Variants in PDXDC1 observed in about 807,000 individuals in gnomAD.
PDXDC1 encodes the protein pyridoxal dependent decarboxylase domain containing 1, also known as pyridoxal-dependent decarboxylase domain-containing protein 1.
A neutral mutation model predicts 100.1 loss-of-function variants in PDXDC1; 42 were observed. The ratio of observed to expected loss-of-function variants is 0.42; its 90% CI spans 0.33 to 0.54. PDXDC1 has a LOEUF of 0.54. Ranked by LOEUF, PDXDC1 falls within the 20% of genes least tolerant of loss-of-function variation. The probability of loss-of-function intolerance (pLI) is 0.10; values close to 1 mark genes in which losing one functional copy is unlikely to be tolerated. For missense variants in PDXDC1, 636 were observed against 979.2 expected (o/e 0.65, Z 4.68); for synonymous variants, 260 against 371.7 (o/e 0.70, Z 3.46).
downstream of PDXDC1, chr16:15,040,143 A>T (rs540167833): frequency 3.9e-6 from 3 of 764,092 alleles, no homozygotes; most frequent in East Asian, 7.9e-5. Context: ...CATTTCTACC[A>T]CCACTCCTAA....
At chr16:15,128,974 T>G (rs1216120458) in intron 16 of PDXDC1, among the ~76,000 whole-genome samples, 2 of 149,868 alleles carry the variant, frequency 1.3e-5, no homozygotes, top group African/African-American at 4.9e-5. Flanking sequence ...CCGGCCTAAT[T>G]TTTTTGTATT....
chr16:15,069,086 T>C (rs1359385812), intron 16 of PDXDC1, among the ~76,000 whole-genome samples: 1 of 152,142 alleles, frequency 6.6e-6, no homozygotes, highest in Admixed American at 6.5e-5. Flanking sequence ...TTTAGAAGCA[T>C]GTAGGATGTA....
Position 15,044,292 on chromosome 16 carries a change from T to C in PDXDC1, c.1399+14236T>C, listed in dbSNP as rs1205021850. ...TAACCCAAGCAAATATGGGTACATA[T>C]TTATGTCCAATTTGGGGGAAAGAAA... On this transcript the variant is annotated intron_variant, in intron 16 of 16. Coordinates refer to the PDXDC1 transcript ENST00000535621. The C allele has an allele frequency of 5.0e-6, 7 of 1,395,694 alleles. No individual in the cohort carries two copies. The African/African-American group carries it at 7.1e-5, about 14-fold the overall frequency. The allele number at this position is 1,395,694 out of a possible 1,614,324, so 86.5% of individuals were successfully genotyped here.
chr16:15,085,211 G>T (rs1309304730), intron 16 of PDXDC1, among the ~76,000 whole-genome samples: 1 of 152,170 alleles, frequency 6.6e-6, no homozygotes, highest in African/African-American at 2.4e-5. Flanking sequence ...TATAAATAAT[G>T]CATTCAGGAC....
intron 16 of PDXDC1, chr16:15,104,419 ATTATCATCC>A: frequency 2.7e-5 from 39 of 1,450,626 alleles, no homozygotes; most frequent in Middle Eastern, 2.6e-4. Context: ...GTGTCTTGAG[ATTATCATCC>A]GCTGAGGGTG....
intron 16 of PDXDC1, among the ~76,000 whole-genome samples, chr16:15,053,353 C>T (rs1326447791): frequency 6.6e-6 from 1 of 152,180 alleles, no homozygotes; most frequent in Non-Finnish European, 1.5e-5. Context: ...CACTGTATGA[C>T]TTATTGTTAT....
rs186799945 is a variant in PDXDC1 at position 15,127,142 on chromosome 16, G to A, written c.1400-11737G>A. On this transcript the variant is annotated intron_variant, in intron 16 of 16. Coordinates refer to the PDXDC1 transcript ENST00000535621. ...CTCGGCCTCTTCACTTGCTATAGAC[G>A]TACTGAGATTTTCTTCTGGAGTGCA... The A allele has an allele frequency of 1.4e-3, 532 of 371,424 alleles. 2 individuals are homozygous for A. Among genetic ancestry groups the A allele is most frequent in the African/African-American group, 0.011 (515 of 47,464 alleles). The allele number at this position is 371,424 out of a possible 1,614,324, so 23.0% of individuals were successfully genotyped here.
chr16:15,015,823 C>T (rs561935767), intron 8 of PDXDC1: 204 of 525,294 alleles, frequency 3.9e-4, no homozygotes, highest in African/African-American at 3.8e-3. Flanking sequence ...TGACAAACCA[C>T]AATCTTGGTG....
At chr16:15,031,947 G>T in intron 17 of PDXDC1, 41 bp downstream of exon 17, 1 of 1,520,070 alleles carries the variant, frequency 6.6e-7, no homozygotes, top group African/African-American at 1.4e-5. Flanking sequence ...AGACTTTTCT[G>T]TATAAAGAAC....
At chr16:15,088,174 T>A (rs1392039260) in intron 16 of PDXDC1, among the ~76,000 whole-genome samples, 1 of 151,866 alleles carries the variant, frequency 6.6e-6, no homozygotes, top group Non-Finnish European at 1.5e-5. Flanking sequence ...TACTGAACTA[T>A]TATTATTTCT....
chr16:15,078,024 A>G (rs948855172), intron 16 of PDXDC1, among the ~76,000 whole-genome samples: 3 of 152,220 alleles, frequency 2.0e-5, no homozygotes, highest in Non-Finnish European at 4.4e-5. Flanking sequence ...ATGATGCAAT[A>G]TTTATTTTGG....
At chr16:15,100,559 A>G (rs1360345296) in intron 16 of PDXDC1, among the ~76,000 whole-genome samples, 1 of 152,194 alleles carries the variant, frequency 6.6e-6, no homozygotes, top group Non-Finnish European at 1.5e-5. Flanking sequence ...GTTCAGCAGC[A>G]TCCCTGGCCT....
intron 16 of PDXDC1, among the ~76,000 whole-genome samples, chr16:15,054,467 C>T (rs1484093392): frequency 6.6e-6 from 1 of 152,188 alleles, no homozygotes; most frequent in Non-Finnish European, 1.5e-5. Context: ...ATTCTTCAGG[C>T]GGCTGAAATT....
chr16:15,052,903 C>T (rs773465129), intron 16 of PDXDC1, among the ~76,000 whole-genome samples: 1 of 152,092 alleles, frequency 6.6e-6, no homozygotes, highest in Non-Finnish European at 1.5e-5. Flanking sequence ...TCTGTGGAAC[C>T]GTATTACCCA....
At chr16:15,064,519 G>T (rs934623871) in intron 16 of PDXDC1, among the ~76,000 whole-genome samples, 1 of 152,126 alleles carries the variant, frequency 6.6e-6, no homozygotes, top group Non-Finnish European at 1.5e-5. Flanking sequence ...ATGGTATGTG[G>T]TCTCTAGAGG....
chr16:15,006,990 A>G (rs1271887465), intron 6 of PDXDC1, among the ~76,000 whole-genome samples: 1 of 152,278 alleles, frequency 6.6e-6, no homozygotes, highest in East Asian at 1.9e-4. Context: ...GACAACTAAG[A>G]GTGTTTGCAT....
intron 19 of PDXDC1, among the ~76,000 whole-genome samples, chr16:15,033,707 G>C (rs2043212829): frequency 6.6e-6 from 1 of 152,184 alleles, no homozygotes; most frequent in Admixed American, 6.5e-5. Context: ...CTGCCACCAA[G>C]GTCAGGGAGG....
In PDXDC1 at chr16:15,076,766, A is replaced by G. The variant is rs553451823; in HGVS notation, c.1399+46710A>G. 47 of 696,802 alleles carry G rather than the reference A, an allele frequency of 6.7e-5. No individual in the cohort carries two copies. The South Asian group carries it at 7.8e-4, about 12-fold the overall frequency. The allele number at this position is 696,802 out of a possible 1,614,324, so 43.2% of individuals were successfully genotyped here. On this transcript the variant is annotated intron_variant, in intron 16 of 16. Transcript: ENST00000535621. ...TTCAAGGTGTCCAGATTAGTGCCTT[A>G]TATCACACCCCAACACAATACACAA...
downstream of PDXDC1, among the ~76,000 whole-genome samples, chr16:15,143,811 T>G (rs1226307211): frequency 2.0e-5 from 3 of 152,170 alleles, no homozygotes. Flanking sequence ...CAGAGCTGAG[T>G]GCCCCAGGCG....
Sources: allele counts gnomAD v4.1 joint callset (sites outside exome capture counted in the v4.1 genomes callset), GRCh38; gene constraint gnomAD v4.1.1; transcripts MANE v1.5; gene names NCBI Gene and HGNC (gene_info 2026-07-23, HGNC 2026-07-21).